The following FMN2 variants were observed in gnomAD, a reference collection of about 807,000 sequenced individuals.
FMN2 encodes the protein formin 2.
FMN2 carries 51 observed loss-of-function variants against 142.3 expected under a neutral mutation model. That is an observed-to-expected ratio of 0.36 (90% CI 0.29 to 0.45). FMN2 has a LOEUF of 0.45. FMN2 is among the 20% of genes least tolerant of loss of function. The pLI is 1.00. For synonymous variants in FMN2, 882 were observed against 869.8 expected (o/e 1.01, Z -0.25); for missense variants, 1,936 against 2,122.8 (o/e 0.91, Z 1.73).
chr1:240,267,962 T>TA (rs1668873994), intron 7 of FMN2, among the ~76,000 whole-genome samples: 1 of 152,084 alleles, frequency 6.6e-6, no homozygotes, highest in South Asian at 2.1e-4. Context: ...CATTATGAGA[T>TA]ACCATTTTAC....
chr1:240,094,114 T>C (rs1339420449), intron 1 of FMN2, among the ~76,000 whole-genome samples: 1 of 152,052 alleles, frequency 6.6e-6, no homozygotes, highest in South Asian at 2.1e-4. Context: ...AGAAAAAAAA[T>C]TGTTCATGGT....
intron 14 of FMN2, among the ~76,000 whole-genome samples, chr1:240,373,848 G>C (rs866795033): frequency 6.6e-6 from 1 of 152,182 alleles, no homozygotes; most frequent in Middle Eastern, 3.2e-3. Flanking sequence ...CATCTAGAAT[G>C]ATGAATCCTT....
intron 4 of FMN2, among the ~76,000 whole-genome samples, chr1:240,192,105 C>A (rs1394530125): frequency 6.6e-6 from 1 of 152,184 alleles, no homozygotes; most frequent in East Asian, 1.9e-4. Flanking sequence ...CCTCATTGCC[C>A]AATCTAACTG....
rs566124793 is a variant in FMN2, at chr1:240,340,578, C to G, written c.4765+6349C>G. 3.3e-5 allele frequency among the ~76,000 whole-genome samples: 5 copies of G among 152,122 alleles called. 1 individual carries two copies. In the East Asian group the frequency reaches 9.7e-4, roughly 29 times the overall value. ...CCTGGATGACAGAGCGAGACTCCAT[C>G]TCAAACTGAAAAAAATTGTTCCCCC... On this transcript the variant is annotated intron_variant, in intron 13 of 17. Coordinates refer to ENST00000319653, the MANE Select transcript of FMN2 (RefSeq NM_020066.5).
At chr1:240,185,855 A>G (rs1038875001) in intron 3 of FMN2, among the ~76,000 whole-genome samples, 1 of 152,206 alleles carries the variant, frequency 6.6e-6, no homozygotes, top group African/African-American at 2.4e-5. Flanking sequence ...GAAGTGACGA[A>G]AAACAATAGA....
intron 16 of FMN2, among the ~76,000 whole-genome samples, chr1:240,452,064 A>AGGTG (rs1558115076): frequency 2.6e-5 from 4 of 151,896 alleles, no homozygotes; most frequent in Non-Finnish European, 5.9e-5. Flanking sequence ...GGTGGCACTC[A>AGGTG]CCTGTAGTCC....
intron 1 of FMN2, among the ~76,000 whole-genome samples, chr1:240,103,780 G>C (rs779084031): frequency 3.9e-5 from 6 of 152,088 alleles, no homozygotes; most frequent in Non-Finnish European, 7.3e-5. Flanking sequence ...AACTTGAATG[G>C]GTTCCGGTAT....
At chr1:240,217,806 TA>T (rs750790173) in intron 6 of FMN2, among the ~76,000 whole-genome samples, 1,974 of 142,726 alleles carry the variant, frequency 0.014, 27 homozygotes, top group African/African-American at 0.036. Context: ...TGGCTAAAAA[TA>T]AAAAAAAAAA....
At chr1:240,455,835 C>T (rs558873150) in intron 16 of FMN2, among the ~76,000 whole-genome samples, 4 of 151,952 alleles carry the variant, frequency 2.6e-5, no homozygotes, top group African/African-American at 4.8e-5. Flanking sequence ...ATTAGCCAGG[C>T]GTGGTGACAG....
At chr1:240,437,969 A>G (rs2356386) in intron 15 of FMN2, 92 bp from the exon 16 acceptor site, 1,312,729 of 1,441,406 alleles carry the variant, frequency 0.91, 598,599 homozygotes, top group African/African-American at 0.98. Flanking sequence ...ATAATTGTGC[A>G]TGAATAAAAT....
chr1:240,101,090 G>A (rs1661393667), intron 1 of FMN2, among the ~76,000 whole-genome samples: 1 of 152,162 alleles, frequency 6.6e-6, no homozygotes, highest in African/African-American at 2.4e-5. Context: ...AGTGCAGGCT[G>A]AGAACAATCT....
chr1:240,297,974 G>A (rs1235735820), intron 8 of FMN2, among the ~76,000 whole-genome samples: 1 of 152,088 alleles, frequency 6.6e-6, no homozygotes, highest in Non-Finnish European at 1.5e-5. Flanking sequence ...CAAGGGCACT[G>A]ATCTCATTCA....
intron 4 of FMN2, 51 bp from the exon 5 acceptor site, chr1:240,206,748 G>T: frequency 6.5e-7 from 1 of 1,548,648 alleles, no homozygotes; most frequent in South Asian, 1.2e-5. Context: ...TTTGCTATTT[G>T]CATTTTTCCT....
rs1558288306 is a variant in FMN2, at chr1:240,091,994, TC to T, written c.-110del. The T allele has an allele frequency of 7.3e-6, 10 of 1,373,120 alleles. No homozygotes were observed. In the Admixed American group the frequency reaches 1.1e-4, roughly 15 times the overall value. The allele number at this position is 1,373,120 out of a possible 1,614,324, so 85.1% of individuals were successfully genotyped here. On this transcript the variant is annotated 5_prime_UTR_variant, in exon 1 of 18. The change abolishes the stop of an existing upstream ORF in the 5' untranslated region. Coordinates refer to ENST00000319653, the MANE Select transcript of FMN2 (RefSeq NM_020066.5). The stretch of plus-strand genomic sequence containing the variant: ...CGCGTCGGCCTCCCCTCCCAGCGGC[TC>T]CCCCCGCCGCCGCCTGACTCTCCCG...
intron 2 of FMN2, among the ~76,000 whole-genome samples, chr1:240,124,965 C>T (rs528169168): frequency 2.6e-5 from 4 of 152,282 alleles, no homozygotes; most frequent in East Asian, 3.9e-4. Flanking sequence ...TGCGCCTGGC[C>T]GTGGTTTTTC....
chr1:240,115,342 GA>G (rs1661980449), intron 1 of FMN2, among the ~76,000 whole-genome samples: 2 of 152,112 alleles, frequency 1.3e-5, no homozygotes, highest in Non-Finnish European at 2.9e-5. Context: ...CAGGAACTGT[GA>G]TAAATACTTG....
intron 15 of FMN2, among the ~76,000 whole-genome samples, chr1:240,424,658 G>C (rs1264090503): frequency 2.6e-5 from 4 of 152,206 alleles, no homozygotes; most frequent in Middle Eastern, 6.8e-3. Context: ...CTGTGGACCT[G>C]GCATCCCCAT....
intron 2 of FMN2, among the ~76,000 whole-genome samples, chr1:240,134,850 C>G (rs1662876045): frequency 6.6e-6 from 1 of 152,134 alleles, no homozygotes; most frequent in African/African-American, 2.4e-5. Flanking sequence ...CTTCACCAAC[C>G]CTCATGCCCC....
At chr1:240,395,185 T>C (rs1240294675) in intron 15 of FMN2, among the ~76,000 whole-genome samples, 2 of 152,190 alleles carry the variant, frequency 1.3e-5, no homozygotes, top group Admixed American at 1.3e-4. Context: ...CAGCATAGCT[T>C]ACTGAATATT....
Sources: allele counts gnomAD v4.1 joint callset (sites outside exome capture counted in the v4.1 genomes callset), GRCh38; gene constraint gnomAD v4.1.1; transcripts MANE v1.5; gene names NCBI Gene and HGNC (gene_info 2026-07-23, HGNC 2026-07-21).